The following ADGRL3 variants were observed in gnomAD, a reference collection of about 807,000 sequenced individuals.
ADGRL3 encodes calcium-independent alpha-latrotoxin receptor 3.
ADGRL3 carries 62 observed loss-of-function variants against 153.5 expected under a neutral mutation model. That is an observed-to-expected ratio of 0.40 (90% CI 0.33 to 0.50). ADGRL3 has a LOEUF of 0.50. ADGRL3 is among the 20% of genes least tolerant of loss of function. The probability of loss-of-function intolerance (pLI) is 0.47; values close to 1 mark genes in which losing one functional copy is unlikely to be tolerated. For synonymous variants in ADGRL3, 710 were observed against 672.5 expected (o/e 1.06, Z -0.86); for missense variants, 1,641 against 1,859.4 (o/e 0.88, Z 2.16).
At chr4:61,838,277 C>T (rs1281387847) in intron 9 of ADGRL3, among the ~76,000 whole-genome samples, 1 of 151,996 alleles carries the variant, frequency 6.6e-6, no homozygotes, top group East Asian at 1.9e-4. Flanking sequence ...ATCAAGAAGC[C>T]TTGTAAACAG....
At chr4:61,287,342 G>T (rs980984068) in intron 1 of ADGRL3, among the ~76,000 whole-genome samples, 2 of 151,804 alleles carry the variant, frequency 1.3e-5, no homozygotes, top group Admixed American at 6.6e-5. Flanking sequence ...GTTGTTAAAG[G>T]TGACCTATCC....
At chr4:61,488,977 A>G (rs1233904494) in intron 2 of ADGRL3, among the ~76,000 whole-genome samples, 1 of 152,106 alleles carries the variant, frequency 6.6e-6, no homozygotes, top group Non-Finnish European at 1.5e-5. Context: ...ATGTTCTTCT[A>G]TCCCACTTAC....
At chr4:61,514,218 AT>A (rs2098479273) in intron 3 of ADGRL3, among the ~76,000 whole-genome samples, 1 of 152,168 alleles carries the variant, frequency 6.6e-6, no homozygotes, top group Non-Finnish European at 1.5e-5. Flanking sequence ...GCTGCTTCAG[AT>A]GCTATTGTGC....
At chr4:61,448,698 ACG>A (rs2097620441) in intron 2 of ADGRL3, among the ~76,000 whole-genome samples, 9 of 93,514 alleles carry the variant, frequency 9.6e-5, no homozygotes, top group Non-Finnish European at 2.1e-4. Flanking sequence ...AAGGATAGGA[ACG>A]AAGGAAAGAA....
rs147178567 is a variant in ADGRL3 at position 61,316,446 on chromosome 4, T to C, written c.-239-66678T>C. ...AAATTAGGTTGGTCAAAAGTAGTCA[T>C]GGTTTTTGCCATTAAAAGTAATTGC... On this transcript the variant is annotated intron_variant, in intron 1 of 26. Transcript: ENST00000683033. Among the ~76,000 whole-genome samples, 511 of 152,326 alleles carry C rather than the reference T, an allele frequency of 3.4e-3. 7 individuals carry two copies. Among genetic ancestry groups the C allele is most frequent in the African/African-American group, 0.012 (489 of 41,582 alleles).
chr4:62,024,640 T>G (rs1418971284), intron 21 of ADGRL3, among the ~76,000 whole-genome samples: 1 of 152,130 alleles, frequency 6.6e-6, no homozygotes, highest in African/African-American at 2.4e-5. Context: ...AATTAAATTC[T>G]GAATGCCAGG....
At position 62,072,629 on chromosome 4, in the gene ADGRL3, A is replaced by G. The variant is rs537840865; in HGVS notation, c.*1721A>G. 4.6e-5 allele frequency: 7 copies of G among 152,320 alleles called. No individual in the cohort carries two copies. Among genetic ancestry groups the G allele is most frequent in the South Asian group, 4.1e-4 (2 of 4,826 alleles). 9.4% of individuals were successfully genotyped at this position (152,320 alleles called of 1,614,324 possible). A position where few individuals can be genotyped will look rare whatever the true frequency, so the allele number is the denominator to read the frequency against. ...TCATACAGGTTTGCAGACAAAGTAA[A>G]CCAGAAAAATGGAATGGGCATGTTT... is the stretch of plus-strand genomic sequence containing the variant. On this transcript the variant is annotated 3_prime_UTR_variant, in exon 27 of 27. Transcript: ENST00000683033.
chr4:61,745,984 A>G (rs2096653906), intron 8 of ADGRL3, among the ~76,000 whole-genome samples: 1 of 152,252 alleles, frequency 6.6e-6, no homozygotes, highest in African/African-American at 2.4e-5. Context: ...GCAGACACAC[A>G]AAAGCTCAAA....
intron 4 of ADGRL3, among the ~76,000 whole-genome samples, chr4:61,522,431 T>G (rs138452431): frequency 1.3e-5 from 2 of 152,170 alleles, no homozygotes; most frequent in Non-Finnish European, 1.5e-5. Flanking sequence ...ATGTTCTCAT[T>G]GATTAAGACT....
intron 8 of ADGRL3, among the ~76,000 whole-genome samples, chr4:61,753,481 G>C (rs1200741137): frequency 6.6e-6 from 1 of 152,112 alleles, no homozygotes; most frequent in African/African-American, 2.4e-5. Flanking sequence ...AATGTCCAGG[G>C]CTTCTTTAGA....
chr4:61,777,657 C>T (rs1002493381), intron 8 of ADGRL3, among the ~76,000 whole-genome samples: 2 of 152,162 alleles, frequency 1.3e-5, no homozygotes, highest in Admixed American at 6.5e-5. Context: ...AACTAATTGG[C>T]ACCTCCTCGT....
At chr4:61,399,523 G>A (rs2096905837) in intron 2 of ADGRL3, among the ~76,000 whole-genome samples, 1 of 151,568 alleles carries the variant, frequency 6.6e-6, no homozygotes, top group Non-Finnish European at 1.5e-5. Flanking sequence ...AATGCCATGT[G>A]TGCATATTCA....
chr4:61,535,629 T>C lies in ADGRL3; in HGVS notation c.259+18111T>C, dbSNP rs150118883. On this transcript the variant is annotated intron_variant, in intron 4 of 26. Coordinates refer to ENST00000683033, the MANE Select transcript of ADGRL3 (RefSeq NM_001387552.1). ...TCATTTTCATAACTAATTATTGGCC[T>C]GTTCAGGATTGTATTTTTTTTCCTT... Among the ~76,000 whole-genome samples the C allele has an allele frequency of 3.2e-4, 48 of 152,168 alleles. No individual in the cohort carries two copies. In the East Asian group the frequency reaches 8.5e-3, roughly 27 times the overall value.
chr4:62,066,255 G>T (rs67672244), intron 25 of ADGRL3, among the ~76,000 whole-genome samples: 5,363 of 151,980 alleles, frequency 0.035, 106 homozygotes, highest in Non-Finnish European at 0.055. Flanking sequence ...AATATAGGTG[G>T]CTCGGTATGT....
intron 1 of ADGRL3, among the ~76,000 whole-genome samples, chr4:61,250,350 T>C (rs1458414323): frequency 6.6e-6 from 1 of 152,148 alleles, no homozygotes; most frequent in African/African-American, 2.4e-5. Flanking sequence ...AGGAGTTGGA[T>C]TGGCTGATCT....
rs2097714194 is a variant in ADGRL3, at chr4:61,818,556, C to T, written c.1480+4667C>T. 2.6e-5 allele frequency among the ~76,000 whole-genome samples: 4 copies of T among 152,260 alleles called. No individual in the cohort carries two copies. The South Asian group carries it at 8.3e-4, about 32-fold the overall frequency. On this transcript the variant is annotated intron_variant, in intron 9 of 26. Transcript: ENST00000683033. The stretch of plus-strand genomic sequence containing the variant: ...GCTAAAATATTCGTAAGAAATCTGG[C>T]CCCATGGTTCAGTCACCTCCCACTA...
Position 61,494,154 on chromosome 4 carries a change from T to G in ADGRL3, c.-173-2967T>G, listed in dbSNP as rs138021176. 5.9e-3 allele frequency among the ~76,000 whole-genome samples: 889 copies of G among 151,958 alleles called. 10 individuals carry two copies. Among genetic ancestry groups the G allele is most frequent in the African/African-American group, 0.02 (812 of 41,468 alleles). On this transcript the variant is annotated intron_variant, in intron 2 of 26. Transcript: ENST00000683033. Reference sequence around the variant, plus strand: ...CTGCTAATTTGCATTTTCTATAAAATCTACTGTGGTAGAAATTTAGTATAC... The same window carrying G: ...CTGCTAATTTGCATTTTCTATAAAAGCTACTGTGGTAGAAATTTAGTATAC...
At chr4:61,341,873 G>A (rs2095814683) in intron 1 of ADGRL3, among the ~76,000 whole-genome samples, 1 of 151,782 alleles carries the variant, frequency 6.6e-6, no homozygotes, top group African/African-American at 2.4e-5. Context: ...TGTAAAAGTG[G>A]GATTACAAGG....
intron 9 of ADGRL3, among the ~76,000 whole-genome samples, chr4:61,821,071 GT>G (rs1476649046): frequency 6.7e-6 from 1 of 149,938 alleles, no homozygotes; most frequent in African/African-American, 2.5e-5. Flanking sequence ...GTGTTTGTCT[GT>G]TTCATTGTTT....
Sources: allele counts gnomAD v4.1 joint callset (sites outside exome capture counted in the v4.1 genomes callset), GRCh38; gene constraint gnomAD v4.1.1; transcripts MANE v1.5; gene names NCBI Gene and HGNC (gene_info 2026-07-23, HGNC 2026-07-21).